PCOLCE2: variants seen among roughly 807,000 people sequenced by gnomAD.
The protein encoded by PCOLCE2 is procollagen C-endopeptidase enhancer 2.
PCOLCE2 carries 42 observed loss-of-function variants against 47.0 expected under a neutral mutation model. The ratio of observed to expected loss-of-function variants is 0.89; its 90% CI spans 0.70 to 1.16. The LOEUF is 1.16. Ranked by LOEUF, PCOLCE2 falls within the 50% of genes most tolerant of loss-of-function variation. The pLI is 0.00. For synonymous variants in PCOLCE2, 169 were observed against 191.7 expected, an observed-to-expected ratio of 0.88 and a Z score of 0.98; for missense variants, 500 against 526.1, an observed-to-expected ratio of 0.95 and a Z score of 0.49.
chr3:142,856,632 T>G (rs1402268020), intron 2 of PCOLCE2, among the ~76,000 whole-genome samples: 2 of 152,068 alleles, frequency 1.3e-5, no homozygotes, highest in African/African-American at 2.4e-5. Flanking sequence ...AAGGCTAAGG[T>G]AGATGCAGCA....
chr3:142,827,053 C>G, intron 6 of PCOLCE2: 1 of 1,058,126 alleles, frequency 9.5e-7, no homozygotes, highest in Non-Finnish European at 1.4e-6. Context: ...ATGACTCTTA[C>G]TTTTTTTTGG....
chr3:142,845,923 C>T (rs991018305), intron 3 of PCOLCE2, among the ~76,000 whole-genome samples: 7 of 151,938 alleles, frequency 4.6e-5, no homozygotes, highest in African/African-American at 1.5e-4. Flanking sequence ...TGCAGTGGGC[C>T]GAGATAGCAC....
At chr3:142,824,707 T>C (rs960894653) in intron 6 of PCOLCE2, among the ~76,000 whole-genome samples, 1 of 152,220 alleles carries the variant, frequency 6.6e-6, no homozygotes, top group African/African-American at 2.4e-5. Context: ...TGGTGTGATC[T>C]TGGCTCACTG....
chr3:142,853,166 T>A (rs1932989735), intron 2 of PCOLCE2, among the ~76,000 whole-genome samples: 2 of 151,070 alleles, frequency 1.3e-5, no homozygotes, highest in African/African-American at 4.9e-5. Flanking sequence ...TGGGCATCCT[T>A]GAATTTTCTG....
intron 6 of PCOLCE2, chr3:142,827,565 G>A (rs1217648026): frequency 6.8e-7 from 1 of 1,473,222 alleles, no homozygotes; most frequent in Non-Finnish European, 9.5e-7. Context: ...CCCACAGGGA[G>A]CACACTGCCA....
chr3:142,831,740 G>T (rs1265175064), intron 5 of PCOLCE2, among the ~76,000 whole-genome samples: 2 of 152,158 alleles, frequency 1.3e-5, no homozygotes, highest in Non-Finnish European at 2.9e-5. Context: ...CAAAGGAAAG[G>T]AAAGACTCAA....
intron 3 of PCOLCE2, chr3:142,843,266 A>G (rs758370548): frequency 4.8e-6 from 3 of 626,700 alleles, no homozygotes; most frequent in South Asian, 4.5e-5. Flanking sequence ...TAGCAACACG[A>G]GAGAGGGGAG....
In PCOLCE2 at chr3:142,818,448, T is replaced by C. The variant is rs1429656133; in HGVS notation, c.1135A>G (p.Met379Val). The C allele has an allele frequency of 2.0e-5, 33 of 1,611,444 alleles. No homozygotes were observed. The highest frequency in any genetic ancestry group is 2.5e-5 in the Non-Finnish European group (30 of 1,177,764). Residue 379 changes from methionine (M) to valine (V), a missense_variant, in exon 9 of 9, where the codon ATG (methionine) becomes GTG (valine). By Grantham distance (21) the Met-to-Val change is conservative. Transcript: ENST00000295992. ...CGCCCATCTTCACCTACTTGGCCCA[T>C]AATAATGTAATTTAGACCTAAAGAA... ...LLRRGLNYII[M>V]GQVGEDGRGK... is the part of the protein sequence containing the mutation.
chr3:142,849,367 C>T (rs1937365735), intron 2 of PCOLCE2, among the ~76,000 whole-genome samples: 1 of 152,166 alleles, frequency 6.6e-6, no homozygotes, highest in Admixed American at 6.5e-5. Context: ...CTGAATGTCA[C>T]TAAGTTTTTT....
chr3:142,888,682 C>T, intron 1 of PCOLCE2, 132 bp downstream of exon 1: 1 of 515,852 alleles, frequency 1.9e-6, no homozygotes, highest in Non-Finnish European at 3.3e-6. Flanking sequence ...ACGCCTGCAC[C>T]GCGCGGGAGC....
At chr3:142,850,758 A>G (rs7617823) in intron 2 of PCOLCE2, among the ~76,000 whole-genome samples, 94,579 of 151,958 alleles carry the variant, frequency 0.62, 29,802 homozygotes, top group Non-Finnish European at 0.66. Flanking sequence ...AATAAATATA[A>G]ACAAGCTTTT....
In PCOLCE2 at chr3:142,829,715, G is replaced by T. The variant is rs770092240; in HGVS notation, c.842C>A (p.Thr281Asn). ...KLPTTTEQPV[T>N]TTFPVTTGLK... ...ACCCGTGGTTACAGGGAATGTGGTG[G>T]TGACAGGCTGTTCTGTAGTTGTAGG... The change falls in exon 6 of 9, where the codon ACC (threonine) becomes AAC (asparagine). Residue 281 changes from threonine to asparagine, a missense_variant. Thr to Asn is a moderately conservative substitution (Grantham distance 65). Transcript: ENST00000295992. 1.9e-6 allele frequency: 3 copies of T among 1,598,136 alleles called. No homozygotes were observed. The highest frequency in any genetic ancestry group is 2.6e-6 in the Non-Finnish European group (3 of 1,171,806).
At chr3:142,876,366 G>A (rs1273986925) in intron 2 of PCOLCE2, among the ~76,000 whole-genome samples, 1 of 152,150 alleles carries the variant, frequency 6.6e-6, no homozygotes, top group African/African-American at 2.4e-5. Flanking sequence ...GAGGTAGGGA[G>A]TATCATTATC....
At chr3:142,820,139 C>T (rs1936996639) in intron 8 of PCOLCE2, among the ~76,000 whole-genome samples, 1 of 151,318 alleles carries the variant, frequency 6.6e-6, no homozygotes, top group African/African-American at 2.4e-5. Context: ...TAGGGTCTCA[C>T]TACATCACCC....
chr3:142,866,123 G>A (rs1933278182), intron 2 of PCOLCE2, among the ~76,000 whole-genome samples: 1 of 152,188 alleles, frequency 6.6e-6, no homozygotes, highest in Non-Finnish European at 1.5e-5. Context: ...CTGGGAGTGT[G>A]TATGAGGGTT....
intron 8 of PCOLCE2, among the ~76,000 whole-genome samples, chr3:142,819,508 C>G (rs950277285): frequency 3.3e-5 from 5 of 152,182 alleles, no homozygotes; most frequent in Admixed American, 2.0e-4. Flanking sequence ...GGTGCAGTAT[C>G]TGCTGCTCCT....
At chr3:142,878,270 T>G (rs1192972276) in intron 2 of PCOLCE2, among the ~76,000 whole-genome samples, 1 of 152,206 alleles carries the variant, frequency 6.6e-6, no homozygotes, top group Non-Finnish European at 1.5e-5. Flanking sequence ...CACTTCTCTG[T>G]GGGTGTTCCA....
chr3:142,854,448 G>A (rs1365401030), intron 2 of PCOLCE2, among the ~76,000 whole-genome samples: 2 of 152,292 alleles, frequency 1.3e-5, no homozygotes, highest in East Asian at 1.9e-4. Flanking sequence ...TCTTTCTAGA[G>A]GGGGATAAAT....
At chr3:142,872,912 C>G (rs1253141292) in intron 2 of PCOLCE2, among the ~76,000 whole-genome samples, 2 of 152,062 alleles carry the variant, frequency 1.3e-5, no homozygotes, top group African/African-American at 4.8e-5. Context: ...TTATTTTCCC[C>G]CAAAAGATTT....
Sources: gnomAD v4.1 joint callset for allele counts (sites outside exome capture counted in the v4.1 genomes callset) on GRCh38, gnomAD v4.1.1 for gene constraint, MANE v1.5 for transcripts, NCBI Gene and HGNC (gene_info 2026-07-23, HGNC 2026-07-21) for gene names.